Variants in CMTM8 observed in about 807,000 individuals in gnomAD.
CMTM8 encodes the protein CKLF like MARVEL transmembrane domain containing 8.
Under a neutral mutation model 18.6 loss-of-function variants are expected in CMTM8, and 12 were observed. That is an observed-to-expected ratio of 0.65 (90% confidence interval 0.41 to 1.05). CMTM8 has a LOEUF of 1.05. Ranked by LOEUF, CMTM8 falls within the 50% of genes least tolerant of loss-of-function variation. The probability of loss-of-function intolerance (pLI) is 0.00; values close to 1 mark genes in which losing one functional copy is unlikely to be tolerated. For synonymous variants in CMTM8, 87 were observed against 90.6 expected (o/e 0.96, Z 0.23); for missense variants, 217 against 227.2 (o/e 0.95, Z 0.29).
chr3:32,312,821 C>T (rs1032649015), intron 1 of CMTM8, among the ~76,000 whole-genome samples: 7 of 151,548 alleles, frequency 4.6e-5, no homozygotes, highest in Non-Finnish European at 2.9e-5. Context: ...CCAGAAATCA[C>T]CTTATTAACA....
chr3:32,289,543 A>G (rs1702744728), intron 1 of CMTM8, among the ~76,000 whole-genome samples: 1 of 152,204 alleles, frequency 6.6e-6, no homozygotes, highest in Admixed American at 6.5e-5. Flanking sequence ...GAGGGGAGAG[A>G]ATATACAGTA....
At chr3:32,253,092 G>A (rs1193749517) in intron 1 of CMTM8, among the ~76,000 whole-genome samples, 1 of 152,082 alleles carries the variant, frequency 6.6e-6, no homozygotes, top group Non-Finnish European at 1.5e-5. Context: ...AATTGTATTA[G>A]GAAACCTAAT....
At chr3:32,333,500 G>A (rs1431855274) in intron 1 of CMTM8, among the ~76,000 whole-genome samples, 1 of 152,088 alleles carries the variant, frequency 6.6e-6, no homozygotes, top group African/African-American at 2.4e-5. Flanking sequence ...CTGATGTTTG[G>A]GAAGCACTGG....
chr3:32,359,988 C>T (rs1481068578), intron 2 of CMTM8, among the ~76,000 whole-genome samples: 1 of 152,194 alleles, frequency 6.6e-6, no homozygotes, highest in Non-Finnish European at 1.5e-5. Flanking sequence ...TCTGCCTGAG[C>T]GGTAGGTAGG....
intron 1 of CMTM8, among the ~76,000 whole-genome samples, chr3:32,318,004 C>T (rs1160360294): frequency 1.4e-5 from 2 of 147,596 alleles, no homozygotes; most frequent in Admixed American, 6.9e-5. Flanking sequence ...GCAGTGAGCC[C>T]AGGTCACGCC....
At position 32,321,491 on chromosome 3, in the gene CMTM8, A is replaced by AC. The variant is rs541770202; in HGVS notation, c.148-35876dup. 2.1e-4 allele frequency among the ~76,000 whole-genome samples: 32 copies of AC among 151,794 alleles called. No homozygotes were observed. The South Asian group carries it at 6.7e-3, about 32-fold the overall frequency. On this transcript the variant is annotated intron_variant, in intron 1 of 3. Coordinates refer to ENST00000307526, the MANE Select transcript of CMTM8 (RefSeq NM_178868.5). ...CCCGAGTGGGAGCCCCCACCCTAGG[A>AC]CCCCCCAGACTCCATTTGTTGTGAA...
At chr3:32,321,469 G>A (rs9310989) in intron 1 of CMTM8, among the ~76,000 whole-genome samples, 3,126 of 152,164 alleles carry the variant, frequency 0.021, 129 homozygotes, top group African/African-American at 0.071. Context: ...GTGCCCTCCC[G>A]AGTGGGAGCC....
At chr3:32,352,551 G>C (rs1480308152) in intron 1 of CMTM8, among the ~76,000 whole-genome samples, 1 of 152,136 alleles carries the variant, frequency 6.6e-6, no homozygotes, top group Non-Finnish European at 1.5e-5. Context: ...AACTACCTTC[G>C]GTATTGCAGA....
chr3:32,333,571 C>T (rs950647582), intron 1 of CMTM8, among the ~76,000 whole-genome samples: 1 of 149,390 alleles, frequency 6.7e-6, no homozygotes, highest in Middle Eastern at 3.5e-3. Flanking sequence ...CGAACCATTT[C>T]GCTAGATCTA....
rs1702893275 is a variant in CMTM8, at chr3:32,297,067, T to C, written c.147+57948T>C. On this transcript the variant is annotated intron_variant, in intron 1 of 3. Coordinates refer to ENST00000307526, the MANE Select transcript of CMTM8 (RefSeq NM_178868.5). Reference sequence around the variant, plus strand: ...GAGAGAAAAACATCCCCTTAGGATGTGTTGATGCAAAAAGATGATTTTAGA... The same window carrying C: ...GAGAGAAAAACATCCCCTTAGGATGCGTTGATGCAAAAAGATGATTTTAGA... 2.0e-5 allele frequency among the ~76,000 whole-genome samples: 3 copies of C among 152,218 alleles called. No homozygotes were observed. The South Asian group carries it at 6.2e-4, about 32-fold the overall frequency.
chr3:32,313,437 G>C (rs11713550), intron 1 of CMTM8, among the ~76,000 whole-genome samples: 26,625 of 151,996 alleles, frequency 0.18, 2,753 homozygotes, highest in African/African-American at 0.28. Flanking sequence ...TGTGTAGCTG[G>C]AACTACAGGC....
intron 1 of CMTM8, among the ~76,000 whole-genome samples, chr3:32,309,314 T>G (rs930775712): frequency 3.5e-4 from 52 of 146,934 alleles, no homozygotes; most frequent in Non-Finnish European, 7.2e-4. Flanking sequence ...TTTTTTTTTT[T>G]TTTTTTTTTT....
intron 1 of CMTM8, among the ~76,000 whole-genome samples, chr3:32,338,357 A>G (rs1357934832): frequency 6.6e-6 from 1 of 152,128 alleles, no homozygotes; most frequent in African/African-American, 2.4e-5. Context: ...AGTTCTAATT[A>G]CAGGCATGGG....
rs1239639350 is a variant in CMTM8 at position 32,358,518 on chromosome 3, C to T, written c.321+972C>T. On this transcript the variant is annotated intron_variant, in intron 2 of 3. Transcript: ENST00000307526. The surrounding 1 kb of genome is among the most constrained non-coding windows in gnomAD (Gnocchi z 4.1). ...AGTTCCAAATAACTGACTTATGAAC[C>T]AAATTTGAAATATAGTCTATTTGTG... Among the ~76,000 whole-genome samples, 1 of 152,022 alleles carries T rather than the reference C, an allele frequency of 6.6e-6. No individual in the cohort carries two copies. The highest frequency in any genetic ancestry group is 1.5e-5 in the Non-Finnish European group (1 of 68,000).
intron 1 of CMTM8, among the ~76,000 whole-genome samples, chr3:32,328,370 C>CAAA (rs796201249): frequency 0.029 from 2,140 of 73,868 alleles, 28 homozygotes; most frequent in African/African-American, 0.042. Flanking sequence ...ACCCTGTCTC[C>CAAA]AAAAAAAAAA....
chr3:32,360,187 T>G (rs192825240), intron 2 of CMTM8, among the ~76,000 whole-genome samples: 1 of 152,358 alleles, frequency 6.6e-6, no homozygotes, highest in Non-Finnish European at 1.5e-5. Context: ...AGACACACTT[T>G]CTTAGCATCT....
In CMTM8 at chr3:32,367,918, C is replaced by T. The variant is rs150764905; in HGVS notation, c.368C>T (p.Ala123Val). 6.5e-5 allele frequency: 105 copies of T among 1,614,040 alleles called. No homozygotes were observed. The highest frequency in any genetic ancestry group is 1.9e-5 in the Non-Finnish European group (22 of 1,180,010). ...GCCTTCGTCTTGTACCTCTCTGCCG[C>T]TGTTGTAGATGCATCTTCCGTCTCC... ...GSAFVLYLSA[A>V]VVDASSVSPE... The change falls in exon 3 of 4, where the codon GCT (alanine) becomes GTT (valine). Residue 123 changes from alanine to valine, a missense_variant. By Grantham distance (64) the Ala-to-Val change is moderately conservative. Coordinates refer to ENST00000307526, the MANE Select transcript of CMTM8 (RefSeq NM_178868.5).
chr3:32,353,260 C>T (rs1696749625), intron 1 of CMTM8, among the ~76,000 whole-genome samples: 1 of 152,190 alleles, frequency 6.6e-6, no homozygotes, highest in Non-Finnish European at 1.5e-5. Flanking sequence ...GCCCAAAATG[C>T]TGGGATTATA....
At chr3:32,306,946 C>T (rs529181517) in intron 1 of CMTM8, among the ~76,000 whole-genome samples, 105 of 152,284 alleles carry the variant, frequency 6.9e-4, no homozygotes, top group South Asian at 1.7e-3. Flanking sequence ...CAGTGTCTCA[C>T]GCCTGTAATC....
Sources: gnomAD v4.1 joint callset for allele counts (sites outside exome capture counted in the v4.1 genomes callset) on GRCh38, gnomAD v4.1.1 for gene constraint, Gnocchi (gnomAD v3.1) non-coding constraint, MANE v1.5 for transcripts, NCBI Gene and HGNC (gene_info 2026-07-23, HGNC 2026-07-21) for gene names.